The following GABRA3 variants were observed in gnomAD, a reference collection of about 807,000 sequenced individuals.
The protein encoded by GABRA3 is gamma-aminobutyric acid type A receptor subunit alpha3, also known as gamma-aminobutyric acid receptor subunit alpha-3.
GABRA3 carries 10 observed loss-of-function variants against 30.1 expected under a neutral mutation model. That is an observed-to-expected ratio of 0.33 (90% CI 0.20 to 0.56). The LOEUF (loss-of-function observed/expected upper bound fraction) is 0.56, where lower values mean the gene tolerates loss of function less well. Ranked by LOEUF, GABRA3 falls within the 20% of genes least tolerant of loss-of-function variation. The probability of loss-of-function intolerance (pLI) is 0.89; values close to 1 mark genes in which losing one functional copy is unlikely to be tolerated. For synonymous variants in GABRA3, 151 were observed against 146.8 expected, an observed-to-expected ratio of 1.03 and a Z score of -0.21; for missense variants, 233 against 392.0, an observed-to-expected ratio of 0.59 and a Z score of 3.42.
intron 7 of GABRA3, among the ~76,000 whole-genome samples, chrX:152,202,572 A>G (rs1267068331): frequency 2.7e-5 from 3 of 111,906 alleles, no homozygotes; most frequent in Non-Finnish European, 3.8e-5. Flanking sequence ...ATACATATAA[A>G]GAATAGAGAG....
At position 152,437,567 on chromosome X, in the gene GABRA3, T is replaced by G. The variant is rs770519166; in HGVS notation, c.-27+13579A>C. On this transcript the variant is annotated intron_variant, in intron 1 of 9. Transcript: ENST00000370314. Reference sequence around the variant, plus strand: ...ATATAGGAAGACAAAAGACCCAGAATAGTAAACACAATACTAAAGAATAGG... The same window carrying G: ...ATATAGGAAGACAAAAGACCCAGAAGAGTAAACACAATACTAAAGAATAGG... 9.0e-5 allele frequency among the ~76,000 whole-genome samples: 10 copies of G among 111,532 alleles called. No homozygotes were observed. The East Asian group carries it at 2.5e-3, about 28-fold the overall frequency.
At chrX:152,384,596 T>C (rs1250292237) in intron 1 of GABRA3, among the ~76,000 whole-genome samples, 1 of 112,353 alleles carries the variant, frequency 8.9e-6, no homozygotes, top group African/African-American at 3.2e-5. Context: ...ACCTTACCCA[T>C]AGTATACAAA....
intron 5 of GABRA3, among the ~76,000 whole-genome samples, chrX:152,225,499 G>A (rs1937934152): frequency 9.2e-6 from 1 of 108,165 alleles, no homozygotes; most frequent in Non-Finnish European, 1.9e-5. Flanking sequence ...GGTGATGGAG[G>A]ACATCGGAAA....
intron 1 of GABRA3, among the ~76,000 whole-genome samples, chrX:152,425,717 T>C (rs1303785124): frequency 2.7e-5 from 3 of 110,699 alleles, no homozygotes; most frequent in African/African-American, 9.8e-5. Context: ...ACTTTCAACT[T>C]CTGTCCTGGT....
chrX:152,241,269 A>T (rs1242927975), intron 5 of GABRA3, among the ~76,000 whole-genome samples: 1 of 95,171 alleles, frequency 1.1e-5, no homozygotes, highest in Non-Finnish European at 2.3e-5. Context: ...GTGAGGTGTC[A>T]GTGTGCCCCT....
chrX:152,177,705 T>C (rs1210997716), intron 9 of GABRA3, among the ~76,000 whole-genome samples: 1 of 112,133 alleles, frequency 8.9e-6, no homozygotes, highest in Non-Finnish European at 1.9e-5. Flanking sequence ...CCAGACCTCA[T>C]TTAATAGGCT....
chrX:152,230,959 AT>A (rs2124387237), intron 5 of GABRA3, among the ~76,000 whole-genome samples: 1 of 110,612 alleles, frequency 9.0e-6, no homozygotes, highest in African/African-American at 3.3e-5. Flanking sequence ...ATTAGACTTC[AT>A]AAAAATTCAA....
chrX:152,176,186 T>C (rs969869618), intron 9 of GABRA3, among the ~76,000 whole-genome samples: 1 of 111,168 alleles, frequency 9.0e-6, no homozygotes, highest in African/African-American at 3.3e-5. Context: ...AGAGGTACCA[T>C]CACAGATCTA....
Position 152,218,721 on chromosome X carries a change from C to A in GABRA3, c.634+6042G>T, listed in dbSNP as rs182809806. On this transcript the variant is annotated intron_variant, in intron 6 of 9. Coordinates refer to ENST00000370314, the MANE Select transcript of GABRA3 (RefSeq NM_000808.4). ...TTTCATCATGACAAAATCTTCAAGG[C>A]TTCTACAGAGGAGGAAAGAAGAGGA... Among the ~76,000 whole-genome samples the A allele has an allele frequency of 3.3e-3, 371 of 111,154 alleles. 2 individuals carry two copies. Among genetic ancestry groups the A allele is most frequent in the African/African-American group, 0.012 (357 of 30,712 alleles).
intron 5 of GABRA3, among the ~76,000 whole-genome samples, chrX:152,230,592 A>C (rs1010838314): frequency 9.0e-6 from 1 of 111,114 alleles, no homozygotes; most frequent in Non-Finnish European, 1.9e-5. Context: ...AATATGGTGC[A>C]GTTTTGGCCT....
chrX:152,380,661 T>C (rs1402779524), intron 1 of GABRA3, among the ~76,000 whole-genome samples: 1 of 111,995 alleles, frequency 8.9e-6, no homozygotes, highest in Non-Finnish European at 1.9e-5. Flanking sequence ...TCTTAGTTTT[T>C]TGAGGAACTT....
chrX:152,323,829 T>G (rs1482314827), intron 3 of GABRA3, among the ~76,000 whole-genome samples: 6 of 111,869 alleles, frequency 5.4e-5, no homozygotes, highest in Non-Finnish European at 1.1e-4. Context: ...GCATAAAATC[T>G]GTATTTAGAG....
chrX:152,404,888 T>C (rs1056764453), intron 1 of GABRA3, among the ~76,000 whole-genome samples: 3 of 108,297 alleles, frequency 2.8e-5, no homozygotes, highest in Admixed American at 1.0e-4. Flanking sequence ...AAAAATAGTT[T>C]AGAGGACGGA....
At chrX:152,306,929 C>G (rs1486786495) in intron 3 of GABRA3, among the ~76,000 whole-genome samples, 2 of 111,214 alleles carry the variant, frequency 1.8e-5, no homozygotes, top group Non-Finnish European at 3.8e-5. Context: ...TTTCAGTACC[C>G]TTTTATAGAA....
At chrX:152,341,029 A>G (rs369799860) in intron 3 of GABRA3, among the ~76,000 whole-genome samples, 5 of 110,055 alleles carry the variant, frequency 4.5e-5, no homozygotes, top group African/African-American at 1.3e-4. Context: ...CTCCCTCTCA[A>G]TCTCCCACTT....
intron 6 of GABRA3, among the ~76,000 whole-genome samples, chrX:152,218,573 T>C (rs1259128464): frequency 9.0e-6 from 1 of 111,405 alleles, no homozygotes; most frequent in Non-Finnish European, 1.9e-5. Context: ...TCTCTAATTA[T>C]TACTGTTGAA....
At chrX:152,322,477 C>T (rs1939979463) in intron 3 of GABRA3, among the ~76,000 whole-genome samples, 1 of 111,329 alleles carries the variant, frequency 9.0e-6, no homozygotes, top group Non-Finnish European at 1.9e-5. Flanking sequence ...AAAATGGTTA[C>T]CTTTTTATGT....
chrX:152,441,717 T>G (rs1930936801), intron 1 of GABRA3, among the ~76,000 whole-genome samples: 1 of 111,523 alleles, frequency 9.0e-6, no homozygotes, highest in African/African-American at 3.3e-5. Context: ...TTAGGCAATG[T>G]GGTGGAGTTT....
intron 8 of GABRA3, among the ~76,000 whole-genome samples, chrX:152,193,720 C>T (rs369795864): frequency 2.8e-4 from 31 of 112,594 alleles, no homozygotes; most frequent in African/African-American, 9.3e-4. Flanking sequence ...AACTTTAGGC[C>T]GGGCGTGGTG....
Sources: allele counts gnomAD v4.1 joint callset (sites outside exome capture counted in the v4.1 genomes callset), GRCh38; gene constraint gnomAD v4.1.1; transcripts MANE v1.5; gene names NCBI Gene and HGNC (gene_info 2026-07-23, HGNC 2026-07-21).